CALN1: variants seen among roughly 807,000 people sequenced by gnomAD.
CALN1 encodes calneuron 1, also known as calcium-binding protein 8.
A neutral mutation model predicts 30.6 loss-of-function variants in CALN1; 17 were observed. The observed-to-expected ratio is 0.56, with a 90% CI of 0.38 to 0.83. The LOEUF (loss-of-function observed/expected upper bound fraction) is 0.83. Ranked by LOEUF, CALN1 falls within the 40% of genes least tolerant of loss-of-function variation. CALN1 has a pLI of 0.00. For synonymous variants in CALN1, 156 were observed against 131.4 expected (o/e 1.19, Z -1.28); for missense variants, 291 against 354.9 (o/e 0.82, Z 1.45).
At chr7:72,456,566 C>T in the CALN1 span, among the ~76,000 whole-genome samples, 1 of 151,540 alleles carries the variant, frequency 6.6e-6, no homozygotes, top group African/African-American at 2.4e-5. Flanking sequence ...ATAAAAGATC[C>T]CTCAGCCAGG....
At chr7:71,997,748 G>A (rs924054129) in intron 5 of CALN1, among the ~76,000 whole-genome samples, 2 of 152,120 alleles carry the variant, frequency 1.3e-5, no homozygotes, top group African/African-American at 2.4e-5. Context: ...CTGAAATTAT[G>A]GAGGCCAGAA....
intron 2 of CALN1, among the ~76,000 whole-genome samples, chr7:72,310,914 A>T (rs1799996289): frequency 6.6e-6 from 1 of 151,098 alleles, no homozygotes; most frequent in African/African-American, 2.4e-5. Context: ...TCTTAAAAAA[A>T]AAAAAAAAAA....
chr7:72,339,928 G>T (rs972528692), intron 2 of CALN1, among the ~76,000 whole-genome samples: 1 of 152,122 alleles, frequency 6.6e-6, no homozygotes, highest in Non-Finnish European at 1.5e-5. Context: ...ATGAGATTTG[G>T]GTGGGGACAC....
chr7:71,847,847 G>GAGAAGGAGAAGGAGAAGGAGA lies in CALN1; in HGVS notation c.502-37356_502-37355insTCTCCTTCTCCTTCTCCTTCT, dbSNP rs746393698. On this transcript the variant is annotated intron_variant, in intron 5 of 6. Coordinates refer to ENST00000395275, the MANE Select transcript of CALN1 (RefSeq NM_031468.4). ...GGAGAAGGAGAAGGAGAAGGAGAAG[G>GAGAAGGAGAAGGAGAAGGAGA]AGAAGAAGAAGAGGAAAGTTTTCCC... 1.3e-3 allele frequency among the ~76,000 whole-genome samples: 171 copies of GAGAAGGAGAAGGAGAAGGAGA among 134,802 alleles called. 2 individuals carry two copies. Among genetic ancestry groups the GAGAAGGAGAAGGAGAAGGAGA allele is most frequent in the East Asian group, 6.5e-3 (28 of 4,328 alleles). 88.4% of individuals were successfully genotyped at this position (134,802 alleles called of 152,430 possible).
chr7:72,254,267 T>C (rs534046160), intron 3 of CALN1, among the ~76,000 whole-genome samples: 110 of 152,338 alleles, frequency 7.2e-4, no homozygotes, highest in Admixed American at 2.0e-3. Context: ...AACAATTTTA[T>C]AGCTGCCTTC....
At chr7:72,367,133 C>T (rs1237596350) in intron 2 of CALN1, among the ~76,000 whole-genome samples, 1 of 151,974 alleles carries the variant, frequency 6.6e-6, no homozygotes, top group East Asian at 1.9e-4. Flanking sequence ...CAAAAGAAAC[C>T]TATGTCATTA....
chr7:71,844,118 T>C (rs1790100809), intron 5 of CALN1, among the ~76,000 whole-genome samples: 1 of 152,126 alleles, frequency 6.6e-6, no homozygotes, highest in Non-Finnish European at 1.5e-5. Flanking sequence ...CCTTTCTCCA[T>C]AGAGCAGGCT....
intron 3 of CALN1, among the ~76,000 whole-genome samples, chr7:72,267,705 G>A (rs570047076): frequency 1.8e-4 from 27 of 152,316 alleles, no homozygotes; most frequent in Non-Finnish European, 3.8e-4. Context: ...TTGCAAAAAT[G>A]TAGTTAGTAA....
chr7:72,295,186 C>A (rs778666977), intron 2 of CALN1, among the ~76,000 whole-genome samples: 3 of 151,898 alleles, frequency 2.0e-5, no homozygotes, highest in African/African-American at 4.8e-5. Context: ...AAAATAGAAG[C>A]CAAAATTGAA....
At chr7:71,982,862 G>A (rs1798471799) in intron 5 of CALN1, among the ~76,000 whole-genome samples, 1 of 152,178 alleles carries the variant, frequency 6.6e-6, no homozygotes, top group Non-Finnish European at 1.5e-5. Flanking sequence ...AATGCCGGCA[G>A]TTGTACCAGT....
At chr7:71,876,625 G>C (rs868205069) in intron 5 of CALN1, among the ~76,000 whole-genome samples, 4 of 152,142 alleles carry the variant, frequency 2.6e-5, no homozygotes, top group Non-Finnish European at 5.9e-5. Flanking sequence ...CTTGGTAAGG[G>C]GGGGAGAATG....
At chr7:72,246,938 G>A (rs1795206470) in intron 3 of CALN1, among the ~76,000 whole-genome samples, 1 of 151,904 alleles carries the variant, frequency 6.6e-6, no homozygotes, top group Non-Finnish European at 1.5e-5. Flanking sequence ...ATTTTTAGTA[G>A]AGACAGGGTT....
chr7:71,902,229 C>T (rs1241280988), intron 5 of CALN1, among the ~76,000 whole-genome samples: 1 of 114,262 alleles, frequency 8.8e-6, no homozygotes, highest in Non-Finnish European at 1.9e-5. Flanking sequence ...GTCTCAAAAC[C>T]AACCAACCAA....
chr7:72,405,680 A>G (rs1806646673), intron 1 of CALN1, among the ~76,000 whole-genome samples: 1 of 151,894 alleles, frequency 6.6e-6, no homozygotes, highest in African/African-American at 2.4e-5. Context: ...TCGTTAAGTT[A>G]AACAGGAGAA....
At chr7:71,808,374 T>C (rs1562797539) in intron 6 of CALN1, among the ~76,000 whole-genome samples, 1 of 151,390 alleles carries the variant, frequency 6.6e-6, no homozygotes, top group Non-Finnish European at 1.5e-5. Flanking sequence ...TTAATAAACA[T>C]TAATAATTAT....
At chr7:72,289,072 C>A (rs575177194) in intron 2 of CALN1, among the ~76,000 whole-genome samples, 1 of 152,202 alleles carries the variant, frequency 6.6e-6, no homozygotes. Context: ...TGAAGGTTAA[C>A]CTAGTAGAGA....
At chr7:72,402,645 G>A (rs1255893614) in intron 2 of CALN1, among the ~76,000 whole-genome samples, 1 of 152,164 alleles carries the variant, frequency 6.6e-6, no homozygotes, top group Non-Finnish European at 1.5e-5. Context: ...AAAAGAGCAA[G>A]ATCAAAAACC....
the CALN1 span, among the ~76,000 whole-genome samples, chr7:72,470,567 C>T: frequency 8.5e-5 from 13 of 152,176 alleles, no homozygotes; most frequent in Non-Finnish European, 1.5e-5. Flanking sequence ...GTCACAGGCA[C>T]ATGCAGACCT....
At chr7:72,501,928 A>AAAAATATATATATAT in the CALN1 span, among the ~76,000 whole-genome samples, 3 of 57,942 alleles carry the variant, frequency 5.2e-5, no homozygotes, top group African/African-American at 9.9e-5. Flanking sequence ...AAAAAAAAAA[A>AAAAATATATATATAT]ATATATATAT....
Sources: allele counts gnomAD v4.1 joint callset (sites outside exome capture counted in the v4.1 genomes callset), GRCh38; gene constraint gnomAD v4.1.1; transcripts MANE v1.5; gene names NCBI Gene and HGNC (gene_info 2026-07-23, HGNC 2026-07-21).